PHIP: variants seen among roughly 807,000 people sequenced by gnomAD.
PHIP encodes the protein PH-interacting protein.
PHIP carries 54 observed loss-of-function variants against 236.8 expected under a neutral mutation model. That is an observed-to-expected ratio of 0.23 (90% CI 0.18 to 0.29). PHIP has a LOEUF of 0.29. Among genes scored for constraint, PHIP ranks in the 10% least tolerant of loss-of-function variants. The pLI, the probability that PHIP is intolerant of heterozygous loss-of-function variation, is 1.00. For synonymous variants in PHIP, 756 were observed against 718.9 expected (o/e 1.05, Z -0.83); for missense variants, 1,370 against 2,190.8 (o/e 0.63, Z 7.48).
intron 4 of PHIP, among the ~76,000 whole-genome samples, chr6:79,065,635 G>A (rs894697798): frequency 3.3e-5 from 5 of 151,886 alleles, no homozygotes; most frequent in African/African-American, 1.2e-4. Flanking sequence ...CACACTTCCT[G>A]TGACTTTCCT....
Position 78,940,644 on chromosome 6 carries a change from T to G in PHIP, c.*49A>C. 6 of 1,264,326 alleles carry G rather than the reference T, an allele frequency of 4.7e-6. No homozygotes were observed. Among genetic ancestry groups the G allele is most frequent in the Non-Finnish European group, 6.6e-6 (6 of 914,996 alleles). The allele number at this position is 1,264,326 out of a possible 1,614,324, so 78.3% of individuals were successfully genotyped here. On this transcript the variant is annotated 3_prime_UTR_variant, in exon 40 of 40. Transcript: ENST00000275034. ...CAGAAGCCTTAGTTCTACTTATTCC[T>G]TAACTGTACCTGCTTTATAGATTTT... is the stretch of plus-strand genomic sequence containing the variant.
At chr6:78,982,149 C>A (rs1768582367) in intron 23 of PHIP, among the ~76,000 whole-genome samples, 1 of 151,994 alleles carries the variant, frequency 6.6e-6, no homozygotes, top group Non-Finnish European at 1.5e-5. Context: ...CATTTACAGT[C>A]TTTTGGGAAG....
At chr6:79,049,454 A>C (rs1011009580) in intron 6 of PHIP, among the ~76,000 whole-genome samples, 12 of 152,202 alleles carry the variant, frequency 7.9e-5, no homozygotes, top group Non-Finnish European at 1.5e-4. Flanking sequence ...AGTAATTATA[A>C]TTTATAATTA....
At position 78,970,603 on chromosome 6, in the gene PHIP, A is replaced by C. The variant is rs765693951; in HGVS notation, c.2997+178T>G. 6.8e-4 allele frequency among the ~76,000 whole-genome samples: 104 copies of C among 152,216 alleles called. 1 individual carries two copies. Among genetic ancestry groups the C allele is most frequent in the East Asian group, 3.9e-4 (2 of 5,172 alleles). ...GCATTGGAGTATATAAATTCAGTCAAATCTTGTGTTTCTCTGGATGAAAAT... is the reference window on the plus strand; with the variant it reads ...GCATTGGAGTATATAAATTCAGTCACATCTTGTGTTTCTCTGGATGAAAAT... On this transcript the variant is annotated intron_variant, in intron 25 of 39. Transcript: ENST00000275034.
At chr6:79,024,677 C>A (rs749507242) in intron 9 of PHIP, among the ~76,000 whole-genome samples, 4 of 151,988 alleles carry the variant, frequency 2.6e-5, no homozygotes, top group African/African-American at 4.8e-5. Context: ...TGGTGGCGGG[C>A]GCCTGTAGTC....
At chr6:79,006,471 G>C (rs186550649) in intron 15 of PHIP, among the ~76,000 whole-genome samples, 7 of 152,048 alleles carry the variant, frequency 4.6e-5, no homozygotes, top group Admixed American at 1.3e-4. Context: ...TTATGAGTAA[G>C]AATTCTCAAA....
intron 4 of PHIP, among the ~76,000 whole-genome samples, chr6:79,074,574 C>G (rs1300492853): frequency 1.3e-5 from 2 of 151,832 alleles, no homozygotes; most frequent in African/African-American, 2.4e-5. Flanking sequence ...AAACGTATAC[C>G]ATAGTACCAA....
chr6:78,947,602 G>A lies in PHIP; in HGVS notation c.4206+21C>T, dbSNP rs370407399. On this transcript the variant is annotated intron_variant, in intron 36 of 39. Transcript: ENST00000275034. The stretch of plus-strand genomic sequence containing the variant: ...CCTCTAACTTAATCTAGTCATAAAA[G>A]AAAATAATGTAATTATATACCCTTG... The A allele has an allele frequency of 2.4e-5, 29 of 1,215,370 alleles. No individual in the cohort carries two copies. In the African/African-American group the frequency reaches 3.6e-4, roughly 15 times the overall value. 75.3% of individuals were successfully genotyped at this position (1,215,370 alleles called of 1,614,324 possible).
intron 6 of PHIP, among the ~76,000 whole-genome samples, chr6:79,046,532 T>C (rs141935865): frequency 6.6e-6 from 1 of 152,320 alleles, no homozygotes; most frequent in East Asian, 1.9e-4. Context: ...CTGATTAGCC[T>C]AAGAGCTGAC....
chr6:78,960,200 A>G (rs1766684750), intron 31 of PHIP, among the ~76,000 whole-genome samples: 1 of 152,332 alleles, frequency 6.6e-6, no homozygotes, highest in Non-Finnish European at 1.5e-5. Flanking sequence ...AACCATTGTA[A>G]GTCAAACCTT....
intron 23 of PHIP, among the ~76,000 whole-genome samples, chr6:78,979,927 C>CT (rs1768397798): frequency 6.6e-6 from 1 of 151,964 alleles, no homozygotes; most frequent in South Asian, 2.1e-4. Flanking sequence ...TCATTTTCCT[C>CT]TTTTTCCTAT....
chr6:78,991,323 T>A (rs1248451169), intron 19 of PHIP, among the ~76,000 whole-genome samples: 2 of 150,768 alleles, frequency 1.3e-5, no homozygotes, highest in African/African-American at 2.4e-5. Context: ...TTTTTTTTTT[T>A]AGGATAGGGC....
intron 4 of PHIP, among the ~76,000 whole-genome samples, chr6:79,065,766 A>ACC (rs1773591419): frequency 1.9e-5 from 1 of 53,914 alleles, no homozygotes; most frequent in Non-Finnish European, 4.6e-5. Flanking sequence ...TAACTATACC[A>ACC]CACACACACA....
intron 19 of PHIP, 38 bp downstream of exon 19, chr6:78,997,376 A>C: frequency 6.3e-7 from 1 of 1,575,370 alleles, no homozygotes; most frequent in Non-Finnish European, 8.7e-7. Context: ...AATGAACCCA[A>C]GGAACTATGG....
chr6:79,034,705 A>G (rs1771843776), intron 7 of PHIP, among the ~76,000 whole-genome samples: 6 of 152,226 alleles, frequency 3.9e-5, no homozygotes, highest in Admixed American at 3.9e-4. Context: ...TGCAAGGCCA[A>G]GAAGTCAATT....
chr6:78,974,327 A>G (rs927101559), intron 24 of PHIP, among the ~76,000 whole-genome samples: 7 of 151,966 alleles, frequency 4.6e-5, no homozygotes, highest in Non-Finnish European at 8.8e-5. Context: ...TTTGAAACCA[A>G]CGAGAACAAA....
rs1766898298 is a variant in PHIP, at chr6:78,963,139, A to G, written c.3493T>C (p.Cys1165Arg). 2 of 1,608,612 alleles carry G rather than the reference A, an allele frequency of 1.2e-6. No homozygotes were observed. Among genetic ancestry groups the G allele is most frequent in the Non-Finnish European group, 1.7e-6 (2 of 1,177,724 alleles). The change falls in exon 30 of 40, where the codon TGT becomes CGT. Residue 1165 changes from cysteine (C) to arginine (R), a missense_variant. By Grantham distance (180) the Cys-to-Arg change is radical (BLOSUM62 -3). Transcript: ENST00000275034. ...TTTATTCCTGCCACAATTCTTTCAC[A>G]TTCTTCATCCCTGGGATTGGTACCC... ...EWGTNPRDEE[C>R]ERIVAGINQL... is the part of the protein sequence containing the mutation.
chr6:78,983,870 T>A (rs1430752040), intron 22 of PHIP, among the ~76,000 whole-genome samples: 1 of 152,174 alleles, frequency 6.6e-6, no homozygotes, highest in Non-Finnish European at 1.5e-5. Flanking sequence ...GACAAACGAT[T>A]TACTGAACCA....
intron 6 of PHIP, among the ~76,000 whole-genome samples, chr6:79,052,591 T>C (rs1331639735): frequency 6.6e-6 from 1 of 152,094 alleles, no homozygotes; most frequent in Non-Finnish European, 1.5e-5. Flanking sequence ...GAGAATGAAT[T>C]GGAAAGGATA....
Sources: gnomAD v4.1 joint callset for allele counts (sites outside exome capture counted in the v4.1 genomes callset) on GRCh38, gnomAD v4.1.1 for gene constraint, MANE v1.5 for transcripts, NCBI Gene and HGNC (gene_info 2026-07-23, HGNC 2026-07-21) for gene names.